Variants in C6orf118 observed in about 807,000 individuals in gnomAD.
C6orf118 encodes the protein chromosome 6 open reading frame 118, also known as uncharacterized protein C6orf118.
In C6orf118, 50 loss-of-function variants were observed where a neutral mutation model predicts 50.2. The observed-to-expected ratio is 1.00, with a 90% CI of 0.79 to 1.26. C6orf118 has a LOEUF of 1.26. Ranked by LOEUF, C6orf118 falls within the 50% of genes most tolerant of loss-of-function variation. C6orf118 has a pLI of 0.00. For missense variants in C6orf118, 641 were observed against 578.7 expected (o/e 1.11, Z -1.10); for synonymous variants, 239 against 230.9 (o/e 1.03, Z -0.32).
chr6:165,298,229 T>C, intron 4 of C6orf118, 128 bp from the exon 5 acceptor site: 2 of 1,170,822 alleles, frequency 1.7e-6, no homozygotes, highest in Non-Finnish European at 2.2e-6. Context: ...TTAAAATAGG[T>C]AAATTGGGAG....
In C6orf118 at chr6:165,301,878, T is replaced by TGAAGTGTGGGAA. The variant is rs1315217216; in HGVS notation, c.443_444insTTCCCACACTTC (p.Pro148_Val149insSerHisThrSer). ...CCTTCCCCTCTCTGACAGCCTCCAC[T>TGAAGTGTGGGAA]GGAAGGAAATCCTCCTCTGAAGTGT... is the stretch of plus-strand genomic sequence containing the variant. On this transcript the variant is annotated inframe_insertion, in exon 2 of 9. Coordinates refer to ENST00000230301, the MANE Select transcript of C6orf118 (RefSeq NM_144980.4). 1 of 1,613,790 alleles carries TGAAGTGTGGGAA rather than the reference T, an allele frequency of 6.2e-7. No individual in the cohort carries two copies. The highest frequency in any genetic ancestry group is 1.7e-5 in the Admixed American group (1 of 60,018).
chr6:165,307,059 A>T (rs1169748536), intron 1 of C6orf118, among the ~76,000 whole-genome samples: 2 of 152,170 alleles, frequency 1.3e-5, no homozygotes, highest in Admixed American at 6.5e-5. Context: ...GTAAAACCAA[A>T]CCAAGTTTTG....
chr6:165,302,704 G>C (rs1780605556), intron 1 of C6orf118, among the ~76,000 whole-genome samples: 1 of 152,140 alleles, frequency 6.6e-6, no homozygotes, highest in Non-Finnish European at 1.5e-5. Context: ...ATTCAGAAAG[G>C]GTTTGGGGGG....
chr6:165,281,007 G>T (rs896067486), intron 8 of C6orf118, among the ~76,000 whole-genome samples: 3 of 152,134 alleles, frequency 2.0e-5, no homozygotes, highest in African/African-American at 7.2e-5. Flanking sequence ...CCAACTCAAA[G>T]AAAAGTAACT....
chr6:165,282,150 T>C (rs538148522), intron 7 of C6orf118: 17 of 152,336 alleles, frequency 1.1e-4, no homozygotes, highest in African/African-American at 3.6e-4. Context: ...TAATTATCTT[T>C]CACCAAGTTA....
rs1375950160 is a variant in C6orf118, at chr6:165,300,410, A to G, written c.830T>C (p.Ile277Thr). ...LHVFGKVFEDICNSSLIFGDL... is the reference protein window; with the variant it reads ...LHVFGKVFEDTCNSSLIFGDL... Reference sequence around the variant, plus strand: ...ACCAAATATCAAAGAACTGTTACAAATATCTTCAAAGACTTTTCCAAAGAC... The same window carrying G: ...ACCAAATATCAAAGAACTGTTACAAGTATCTTCAAAGACTTTTCCAAAGAC... Residue 277 changes from isoleucine to threonine, a missense_variant, in exon 3 of 9, where the codon ATT (isoleucine) becomes ACT (threonine). Transcript: ENST00000230301. 12 of 1,613,906 alleles carry G rather than the reference A, an allele frequency of 7.4e-6. No individual in the cohort carries two copies. The Admixed American group carries it at 8.3e-5, about 11-fold the overall frequency.
chr6:165,281,577 G>T, intron 8 of C6orf118, 63 bp downstream of exon 8: 1 of 1,472,158 alleles, frequency 6.8e-7, no homozygotes, highest in Non-Finnish European at 9.0e-7. Context: ...TTATTACACA[G>T]GACAAGCAGT....
At chr6:165,301,086 T>A (rs1439566489) in intron 2 of C6orf118, among the ~76,000 whole-genome samples, 1 of 152,052 alleles carries the variant, frequency 6.6e-6, no homozygotes, top group East Asian at 1.9e-4. Flanking sequence ...ATGCGTCCGC[T>A]ATGGGCCTCC....
chr6:165,285,950 C>T (rs575464149), intron 7 of C6orf118, among the ~76,000 whole-genome samples: 27 of 150,498 alleles, frequency 1.8e-4, no homozygotes, highest in African/African-American at 6.1e-4. Flanking sequence ...GAAATAGAGA[C>T]ACAAAAAAAC....
chr6:165,296,253 T>G (rs1180726233), intron 5 of C6orf118, among the ~76,000 whole-genome samples: 26 of 52,952 alleles, frequency 4.9e-4, no homozygotes, highest in African/African-American at 8.9e-4. Context: ...GTTTTTTGTT[T>G]TTTTTTTTTT....
At position 165,301,908 on chromosome 6, in the gene C6orf118, A is replaced by G. The variant is rs762179983; in HGVS notation, c.414T>C (p.Leu138=). ...GGAAATCCTCCTCTGAAGTGTGGGA[A>G]AGAGAGGCCTGGGGGTTCAGGTACC... ...LFRYLNPQAS[L]SHTSEEDFLP... is the part of the protein sequence containing the mutation. Residue 138 remains leucine, a synonymous_variant, in exon 2 of 9, where the codon CTT becomes CTC. Transcript: ENST00000230301. 1.2e-6 allele frequency: 2 copies of G among 1,613,684 alleles called. No individual in the cohort carries two copies. Among genetic ancestry groups the G allele is most frequent in the East Asian group, 4.5e-5 (2 of 44,858 alleles).
At chr6:165,293,984 T>C (rs541766937) in intron 5 of C6orf118, among the ~76,000 whole-genome samples, 4 of 152,236 alleles carry the variant, frequency 2.6e-5, no homozygotes, top group Admixed American at 2.0e-4. Flanking sequence ...TGGTGGCTCA[T>C]GCCTGTAATC....
In C6orf118 at chr6:165,301,734, C is replaced by T. The variant is rs1013045373; in HGVS notation, c.588G>A (p.Arg196=). ...CYQEAGSRGT[R]DRHHYVSSYL... ...AGGAGCTGACATAGTGGTGCCGGTC[C>T]CTGGTGCCTCTGGACCCGGCCTCCT... is the stretch of plus-strand genomic sequence containing the variant. The change falls in exon 2 of 9, where the codon AGG becomes AGA. Residue 196 remains arginine (R), a synonymous_variant. Coordinates refer to ENST00000230301, the MANE Select transcript of C6orf118 (RefSeq NM_144980.4). 6.2e-7 allele frequency: 1 copy of T among 1,613,998 alleles called. No homozygotes were observed. The highest frequency in any genetic ancestry group is 1.3e-5 in the African/African-American group (1 of 74,896).
At chr6:165,296,517 C>T (rs1780317210) in intron 5 of C6orf118, among the ~76,000 whole-genome samples, 1 of 152,122 alleles carries the variant, frequency 6.6e-6, no homozygotes, top group African/African-American at 2.4e-5. Flanking sequence ...GAATATGCTG[C>T]AGTGACCCAG....
chr6:165,291,877 CAA>C (rs905446802), intron 6 of C6orf118, among the ~76,000 whole-genome samples: 1 of 152,042 alleles, frequency 6.6e-6, no homozygotes, highest in African/African-American at 2.4e-5. Flanking sequence ...TCGATGGGAA[CAA>C]AAGAGTTAGA....
intron 2 of C6orf118, among the ~76,000 whole-genome samples, 156 bp from the exon 3 acceptor site, chr6:165,300,642 C>T (rs1188686691): frequency 5.3e-5 from 8 of 151,950 alleles, no homozygotes; most frequent in Non-Finnish European, 1.0e-4. Context: ...TCCCTCCCAC[C>T]AGTTGCTGAG....
At chr6:165,308,769 C>T (rs1780837444) in intron 1 of C6orf118, among the ~76,000 whole-genome samples, 1 of 152,212 alleles carries the variant, frequency 6.6e-6, no homozygotes, top group Admixed American at 6.5e-5. Flanking sequence ...AACTGAGGTT[C>T]AGGTGGTCAG....
intron 1 of C6orf118, among the ~76,000 whole-genome samples, chr6:165,303,017 G>A (rs1320162617): frequency 2.0e-5 from 3 of 152,326 alleles, no homozygotes; most frequent in South Asian, 2.1e-4. Context: ...GATAGAACAA[G>A]AGCAGCCCAG....
chr6:165,307,762 C>T (rs1192827949), intron 1 of C6orf118, among the ~76,000 whole-genome samples: 2 of 152,176 alleles, frequency 1.3e-5, no homozygotes, highest in African/African-American at 4.8e-5. Flanking sequence ...AACAGAGCAG[C>T]AGGCCCAGAC....
Sources: allele counts gnomAD v4.1 joint callset (sites outside exome capture counted in the v4.1 genomes callset), GRCh38; gene constraint gnomAD v4.1.1; transcripts MANE v1.5; gene names NCBI Gene and HGNC (gene_info 2026-07-23, HGNC 2026-07-21).